Variants in FIRRM observed in about 807,000 individuals in gnomAD.
FIRRM encodes FIGNL1-interacting regulator of recombination and mitosis.
chr1:169,798,771 G>A, the FIRRM span: 1 of 383,254 alleles, frequency 2.6e-6, no homozygotes, highest in Non-Finnish European at 4.5e-6. Context: ...GTTTTTAAAA[G>A]CAAAATTAAG....
the FIRRM span, chr1:169,795,708 T>C: frequency 1.0e-6 from 1 of 985,732 alleles, no homozygotes; most frequent in Non-Finnish European, 1.2e-6. Context: ...GGCATAGTTC[T>C]GTGGTGTGAA....
At chr1:169,790,929 C>G in the FIRRM span, among the ~76,000 whole-genome samples, 1 of 152,180 alleles carries the variant, frequency 6.6e-6, no homozygotes, top group Non-Finnish European at 1.5e-5. Flanking sequence ...AAGGGCTGGG[C>G]AGGGGAGTGG....
chr1:169,844,268 T>C, the FIRRM span, among the ~76,000 whole-genome samples: 1 of 152,244 alleles, frequency 6.6e-6, no homozygotes, highest in African/African-American at 2.4e-5. Flanking sequence ...GGTCACTGTC[T>C]AGGGAACCCT....
the FIRRM span, chr1:169,800,781 A>G: frequency 8.8e-6 from 4 of 454,132 alleles, no homozygotes; most frequent in Admixed American, 4.4e-5. Context: ...TTGAAAGTGT[A>G]TCAAGCTTTA....
At chr1:169,811,701 CTAAA>C in the FIRRM span, among the ~76,000 whole-genome samples, 6 of 147,658 alleles carry the variant, frequency 4.1e-5, no homozygotes, top group Admixed American at 6.7e-5. Context: ...GACAGATTAT[CTAAA>C]TAGATAATAG....
At chr1:169,830,147 T>A in the FIRRM span, 1 of 827,790 alleles carries the variant, frequency 1.2e-6, no homozygotes, top group Non-Finnish European at 1.9e-6. Flanking sequence ...CCATTGAGGA[T>A]CTGTTATTTG....
At chr1:169,827,926 GTT>G in the FIRRM span, 2 of 1,290,416 alleles carry the variant, frequency 1.5e-6, no homozygotes, top group Non-Finnish European at 1.1e-6. Flanking sequence ...AAGTTTGTGT[GTT>G]TTTTTTTTAA....
the FIRRM span, among the ~76,000 whole-genome samples, chr1:169,797,925 AATT>A: frequency 1.3e-5 from 2 of 152,188 alleles, no homozygotes; most frequent in Non-Finnish European, 2.9e-5. Context: ...TTATTCTAAC[AATT>A]ATTCTTGATG....
At chr1:169,843,630 A>C in the FIRRM span, 1 of 1,129,460 alleles carries the variant, frequency 8.9e-7, no homozygotes, top group Non-Finnish European at 1.3e-6. Context: ...TATTATTCTT[A>C]TGTGATTGAA....
At chr1:169,795,483 T>C in the FIRRM span, 1 of 1,239,156 alleles carries the variant, frequency 8.1e-7, no homozygotes, top group Admixed American at 3.8e-5. Flanking sequence ...TTTTCTTCCA[T>C]TCCTTCTTTC....
the FIRRM span, among the ~76,000 whole-genome samples, chr1:169,801,376 C>T: frequency 1.5e-5 from 2 of 133,258 alleles, no homozygotes; most frequent in Admixed American, 9.1e-5. Flanking sequence ...GCCTGGGAGG[C>T]GGAGGTTGCA....
At chr1:169,811,156 G>A in the FIRRM span, among the ~76,000 whole-genome samples, 11 of 151,948 alleles carry the variant, frequency 7.2e-5, no homozygotes, top group African/African-American at 1.9e-4. Context: ...CACCGCGCCC[G>A]GCCTGCCCCC....
chr1:169,799,036 C>G, the FIRRM span: 1 of 522,854 alleles, frequency 1.9e-6, no homozygotes, highest in Non-Finnish European at 3.3e-6. Flanking sequence ...TAGATGTGTT[C>G]TTACAGTTTT....
chr1:169,823,422 C>T, the FIRRM span: 1 of 1,597,364 alleles, frequency 6.3e-7, no homozygotes, highest in South Asian at 1.1e-5. Flanking sequence ...TTCTTCCTTT[C>T]CTCTCTGATT....
At chr1:169,829,511 TG>T in the FIRRM span, 3 of 1,457,406 alleles carry the variant, frequency 2.1e-6, no homozygotes, top group South Asian at 4.2e-5. Flanking sequence ...TCATTGAAAT[TG>T]TGATTCATAT....
the FIRRM span, chr1:169,827,205 C>T: frequency 2.5e-6 from 4 of 1,607,808 alleles, no homozygotes; most frequent in Non-Finnish European, 3.4e-6. Context: ...ATTAGGTAAG[C>T]TTCAAAATAG....
the FIRRM span, among the ~76,000 whole-genome samples, chr1:169,810,884 G>A: frequency 5.4e-5 from 5 of 91,862 alleles, no homozygotes; most frequent in African/African-American, 8.7e-5. Flanking sequence ...ACGGAGTCTC[G>A]CTCTGTCGCC....
At chr1:169,853,712 G>A in the FIRRM span, 1 of 1,613,152 alleles carries the variant, frequency 6.2e-7, no homozygotes, top group Non-Finnish European at 8.5e-7. Context: ...CACATCTATT[G>A]TCACCAGTTA....
the FIRRM span, chr1:169,830,493 A>C: frequency 1.1e-6 from 1 of 871,840 alleles, no homozygotes; most frequent in Non-Finnish European, 1.8e-6. Context: ...ACAGCATTAA[A>C]TTAGGAAACA....
Sources: gnomAD v4.1 joint callset for allele counts (sites outside exome capture counted in the v4.1 genomes callset) on GRCh38, gnomAD v4.1.1 for gene constraint, MANE v1.5 for transcripts, NCBI Gene and HGNC (gene_info 2026-07-23, HGNC 2026-07-21) for gene names.